The following AGBL4 variants were observed in gnomAD, a reference collection of about 807,000 sequenced individuals.
AGBL4 encodes cytosolic carboxypeptidase 6.
In AGBL4, 58 loss-of-function variants were observed where a neutral mutation model predicts 66.4. That is an observed-to-expected ratio of 0.87 (90% CI 0.71 to 1.09). AGBL4 has a LOEUF of 1.09. Among genes scored for constraint, AGBL4 ranks in the 50% least tolerant of loss-of-function variants. AGBL4 has a pLI of 0.00. For synonymous variants in AGBL4, 234 were observed against 222.9 expected, an observed-to-expected ratio of 1.05 and a Z score of -0.44; for missense variants, 579 against 631.0, an observed-to-expected ratio of 0.92 and a Z score of 0.88.
At chr1:48,733,872 A>G (rs1237509558) in intron 6 of AGBL4, among the ~76,000 whole-genome samples, 5 of 152,190 alleles carry the variant, frequency 3.3e-5, no homozygotes, top group Non-Finnish European at 4.4e-5. Context: ...CTATGTTTGG[A>G]AATGAGGCCA....
intron 3 of AGBL4, among the ~76,000 whole-genome samples, chr1:49,476,280 A>G (rs906557517): frequency 6.6e-6 from 1 of 152,000 alleles, no homozygotes; most frequent in East Asian, 1.9e-4. Flanking sequence ...TATGCTTAGT[A>G]TAATTTCAAT....
At chr1:49,861,743 C>G (rs921524531) in intron 1 of AGBL4, among the ~76,000 whole-genome samples, 8 of 152,160 alleles carry the variant, frequency 5.3e-5, no homozygotes, top group African/African-American at 1.9e-4. Flanking sequence ...AGAGCCTCTG[C>G]CTGCTAATCC....
rs554879599 is a variant in AGBL4 at position 49,970,691 on chromosome 1, G to A, written c.34+53072C>T. Among the ~76,000 whole-genome samples, 328 of 121,202 alleles carry A rather than the reference G, an allele frequency of 2.7e-3. 6 individuals carry two copies. Among genetic ancestry groups the A allele is most frequent in the African/African-American group, 9.4e-3 (309 of 32,748 alleles). 79.5% of individuals were successfully genotyped at this position (121,202 alleles called of 152,430 possible). Reference sequence around the variant, plus strand: ...AGCCTGGGTGACAGAGCACGACTCCGACTCAAAAAAAAACAAAACACACAC... The same window carrying A: ...AGCCTGGGTGACAGAGCACGACTCCAACTCAAAAAAAAACAAAACACACAC... On this transcript the variant is annotated intron_variant, in intron 1 of 13. Transcript: ENST00000371839.
chr1:49,584,092 TTAGG>T (rs1284113209), intron 3 of AGBL4, among the ~76,000 whole-genome samples: 1 of 152,146 alleles, frequency 6.6e-6, no homozygotes, highest in African/African-American at 2.4e-5. Flanking sequence ...TGGAGAGTCT[TTAGG>T]TAGGAGACCC....
chr1:49,234,633 C>A (rs1028839319), intron 4 of AGBL4, among the ~76,000 whole-genome samples: 1 of 151,928 alleles, frequency 6.6e-6, no homozygotes, highest in African/African-American at 2.4e-5. Flanking sequence ...GGGTCTTTTC[C>A]CTGTTTTGTC....
At chr1:49,510,070 A>G (rs185628153) in intron 3 of AGBL4, among the ~76,000 whole-genome samples, 1 of 152,110 alleles carries the variant, frequency 6.6e-6, no homozygotes, top group African/African-American at 2.4e-5. Flanking sequence ...AATGTTTAAT[A>G]TAATTAAGAG....
At chr1:49,561,046 G>A (rs1644026524) in intron 3 of AGBL4, among the ~76,000 whole-genome samples, 1 of 151,978 alleles carries the variant, frequency 6.6e-6, no homozygotes, top group African/African-American at 2.4e-5. Context: ...TAAGGACATG[G>A]AAAACACAAA....
At chr1:49,976,985 C>A (rs1658614093) in intron 1 of AGBL4, among the ~76,000 whole-genome samples, 1 of 152,220 alleles carries the variant, frequency 6.6e-6, no homozygotes, top group African/African-American at 2.4e-5. Flanking sequence ...AATATACACA[C>A]ATACTTCCCT....
intron 3 of AGBL4, among the ~76,000 whole-genome samples, chr1:49,439,977 A>G (rs184399258): frequency 2.5e-4 from 38 of 152,270 alleles, no homozygotes; most frequent in African/African-American, 9.1e-4. Flanking sequence ...CTAGAGGAAC[A>G]GAATATTAAG....
chr1:49,203,108 C>T (rs4454588), intron 4 of AGBL4, among the ~76,000 whole-genome samples: 11 of 138,308 alleles, frequency 8.0e-5, no homozygotes, highest in Admixed American at 1.4e-4. Context: ...AAAAAAGAAA[C>T]AAACAGAAAG....
At chr1:49,260,160 G>T (rs1652982982) in intron 3 of AGBL4, among the ~76,000 whole-genome samples, 1 of 151,646 alleles carries the variant, frequency 6.6e-6, no homozygotes, top group African/African-American at 2.4e-5. Context: ...TCAAAGCAGT[G>T]TGTAGAGGGA....
chr1:49,464,470 G>T (rs1204777204), intron 3 of AGBL4, among the ~76,000 whole-genome samples: 2 of 151,776 alleles, frequency 1.3e-5, no homozygotes, highest in Non-Finnish European at 2.9e-5. Flanking sequence ...TTAAAGAAGA[G>T]ATTCTAGTTC....
At chr1:49,613,456 G>C (rs1279460060) in intron 3 of AGBL4, among the ~76,000 whole-genome samples, 1 of 152,166 alleles carries the variant, frequency 6.6e-6, no homozygotes, top group Non-Finnish European at 1.5e-5. Flanking sequence ...GGAGGTGAGC[G>C]GCAGGCAAGC....
chr1:49,278,814 A>C (rs1644222035), intron 3 of AGBL4, among the ~76,000 whole-genome samples: 1 of 152,160 alleles, frequency 6.6e-6, no homozygotes, highest in Admixed American at 6.6e-5. Context: ...TTTATTAAAA[A>C]CCAAAATATT....
At chr1:49,749,924 T>G (rs1651315961) in intron 2 of AGBL4, among the ~76,000 whole-genome samples, 1 of 152,144 alleles carries the variant, frequency 6.6e-6, no homozygotes. Context: ...ATAAATGTAG[T>G]AATCAAGACA....
At chr1:48,576,348 T>C (rs1055863364) in intron 11 of AGBL4, among the ~76,000 whole-genome samples, 1 of 152,148 alleles carries the variant, frequency 6.6e-6, no homozygotes, top group African/African-American at 2.4e-5. Context: ...CTAACCCTGG[T>C]CCATTGAAAA....
intron 5 of AGBL4, among the ~76,000 whole-genome samples, chr1:49,006,768 C>G (rs61786051): frequency 0.038 from 3,717 of 98,286 alleles, no homozygotes; most frequent in South Asian, 0.051. Context: ...CAGGGGCACA[C>G]TGACACCTCA....
intron 1 of AGBL4, among the ~76,000 whole-genome samples, chr1:49,966,906 G>A (rs571995291): frequency 6.6e-6 from 1 of 152,268 alleles, no homozygotes; most frequent in Admixed American, 6.5e-5. Context: ...AGATTATACT[G>A]TTGGACATTT....
chr1:49,878,504 A>T (rs1216822345), intron 1 of AGBL4, among the ~76,000 whole-genome samples: 1 of 152,066 alleles, frequency 6.6e-6, no homozygotes, highest in Non-Finnish European at 1.5e-5. Flanking sequence ...TTCTACTTTG[A>T]TTGCACTGTG....
Sources: allele counts gnomAD v4.1 joint callset (sites outside exome capture counted in the v4.1 genomes callset), GRCh38; gene constraint gnomAD v4.1.1; transcripts MANE v1.5; gene names NCBI Gene and HGNC (gene_info 2026-07-23, HGNC 2026-07-21).